The following DYM variants were observed in gnomAD, a reference collection of about 807,000 sequenced individuals.
DYM encodes dymeclin.
DYM carries 78 observed loss-of-function variants against 93.1 expected under a neutral mutation model. The observed-to-expected ratio is 0.84, with a 90% CI of 0.70 to 1.01. DYM has a LOEUF of 1.01. Ranked by LOEUF, DYM falls within the 50% of genes least tolerant of loss-of-function variation. DYM has a pLI of 0.00. For missense variants in DYM, 789 were observed against 845.0 expected (o/e 0.93, Z 0.82); for synonymous variants, 321 against 319.7 (o/e 1.00, Z -0.04).
chr18:49,126,927 T>C (rs1322594769), intron 15 of DYM, among the ~76,000 whole-genome samples: 2 of 152,256 alleles, frequency 1.3e-5, no homozygotes, highest in Admixed American at 6.5e-5. Context: ...CTTATTAATT[T>C]ATAAAAGTAG....
At chr18:49,277,397 T>C (rs1031442357) in intron 10 of DYM, among the ~76,000 whole-genome samples, 1 of 152,110 alleles carries the variant, frequency 6.6e-6, no homozygotes, top group African/African-American at 2.4e-5. Context: ...AGAAAAGCAG[T>C]AGGCATAGAG....
At chr18:49,285,537 ATACT>A (rs1244175632) in intron 9 of DYM, among the ~76,000 whole-genome samples, 4 of 152,224 alleles carry the variant, frequency 2.6e-5, no homozygotes, top group African/African-American at 4.8e-5. Context: ...AGATACACAA[ATACT>A]TACCACTGTG....
chr18:49,298,159 T>C (rs1407760198), intron 8 of DYM, among the ~76,000 whole-genome samples: 1 of 133,924 alleles, frequency 7.5e-6, no homozygotes, highest in African/African-American at 2.5e-5. Context: ...TACTAACCCA[T>C]CCTGTCTCCC....
At chr18:49,161,181 A>C (rs969883747) in intron 15 of DYM, among the ~76,000 whole-genome samples, 1 of 152,180 alleles carries the variant, frequency 6.6e-6, no homozygotes, top group African/African-American at 2.4e-5. Context: ...ATTTTTACTT[A>C]GTGAAAATTT....
intron 14 of DYM, among the ~76,000 whole-genome samples, chr18:49,189,622 A>G (rs1568567964): frequency 1.3e-5 from 2 of 152,246 alleles, no homozygotes; most frequent in Non-Finnish European, 2.9e-5. Flanking sequence ...AGTTACATTT[A>G]CACTTTGTAA....
At chr18:49,069,210 C>T (rs2076698248) in intron 17 of DYM, among the ~76,000 whole-genome samples, 1 of 152,198 alleles carries the variant, frequency 6.6e-6, no homozygotes, top group Non-Finnish European at 1.5e-5. Context: ...AATTGTTATA[C>T]ACCAAATCAT....
chr18:49,141,273 T>G (rs1286459477), intron 15 of DYM, among the ~76,000 whole-genome samples: 2 of 152,232 alleles, frequency 1.3e-5, no homozygotes, highest in African/African-American at 4.8e-5. Context: ...GCCTCAACAC[T>G]TAGCCCTTTA....
chr18:49,180,750 A>G (rs922547674), intron 14 of DYM, among the ~76,000 whole-genome samples: 1 of 152,074 alleles, frequency 6.6e-6, no homozygotes, highest in Admixed American at 6.6e-5. Context: ...AGCTCATGGG[A>G]TTTCTGACAC....
intron 16 of DYM, among the ~76,000 whole-genome samples, chr18:49,115,821 C>G (rs556913169): frequency 5.3e-5 from 8 of 152,292 alleles, no homozygotes; most frequent in African/African-American, 1.7e-4. Context: ...AGTCTCAAGA[C>G]TATAAAAGGC....
intron 2 of DYM, among the ~76,000 whole-genome samples, chr18:49,403,431 C>A (rs112134744): frequency 0.011 from 1,740 of 152,216 alleles, 34 homozygotes; most frequent in African/African-American, 0.04. Flanking sequence ...TTATAGTTTA[C>A]AAGGTGGTTT....
chr18:49,111,142 A>G (rs888280286), intron 16 of DYM, among the ~76,000 whole-genome samples: 2 of 152,152 alleles, frequency 1.3e-5, no homozygotes, highest in African/African-American at 2.4e-5. Context: ...CCAGGTAGTA[A>G]ATATTTTAAG....
intron 15 of DYM, among the ~76,000 whole-genome samples, chr18:49,145,134 T>TATATATATATATATA (rs1555778609): frequency 2.5e-5 from 2 of 79,574 alleles, no homozygotes; most frequent in Admixed American, 1.7e-4. Context: ...TATATATATA[T>TATATATATATATATA]AATTTATATA....
intron 5 of DYM, among the ~76,000 whole-genome samples, chr18:49,371,431 C>A (rs147161516): frequency 6.6e-6 from 1 of 152,234 alleles, no homozygotes; most frequent in African/African-American, 2.4e-5. Flanking sequence ...TGTGACTGTG[C>A]CACTGCACTC....
intron 6 of DYM, among the ~76,000 whole-genome samples, chr18:49,350,667 T>C (rs573795732): frequency 8.1e-5 from 12 of 148,178 alleles, no homozygotes; most frequent in East Asian, 4.0e-4. Flanking sequence ...GATCTCACCA[T>C]TGCACTCCAC....
At chr18:49,106,383 T>C (rs937695205) in intron 16 of DYM, among the ~76,000 whole-genome samples, 7 of 152,232 alleles carry the variant, frequency 4.6e-5, no homozygotes, top group African/African-American at 1.7e-4. Flanking sequence ...TGTCTTTTAA[T>C]TGGAGCATTT....
intron 8 of DYM, among the ~76,000 whole-genome samples, chr18:49,314,911 T>C (rs570912814): frequency 2.0e-5 from 3 of 152,316 alleles, no homozygotes; most frequent in Non-Finnish European, 1.5e-5. Context: ...TTTACTAAGA[T>C]TGCTTAAAGG....
chr18:49,272,987 A>G (rs562577307), intron 10 of DYM, among the ~76,000 whole-genome samples: 28 of 151,866 alleles, frequency 1.8e-4, no homozygotes, highest in African/African-American at 6.3e-4. Flanking sequence ...AACCATGAAC[A>G]CTATCCACTG....
intron 14 of DYM, among the ~76,000 whole-genome samples, chr18:49,181,520 AT>A (rs2089923579): frequency 6.6e-6 from 1 of 152,180 alleles, no homozygotes; most frequent in Non-Finnish European, 1.5e-5. Context: ...ATTTTGGAAT[AT>A]TGGCATGATA....
At chr18:49,323,150 C>A (rs1217283904) in intron 8 of DYM, among the ~76,000 whole-genome samples, 1 of 152,168 alleles carries the variant, frequency 6.6e-6, no homozygotes, top group African/African-American at 2.4e-5. Context: ...GCTCCTTACA[C>A]ATTTTGGCCT....
Sources: allele counts gnomAD v4.1 joint callset (sites outside exome capture counted in the v4.1 genomes callset), GRCh38; gene constraint gnomAD v4.1.1; transcripts MANE v1.5; gene names NCBI Gene and HGNC (gene_info 2026-07-23, HGNC 2026-07-21).